NF1: variants seen among roughly 807,000 people sequenced by gnomAD.
The protein encoded by NF1 is neurofibromin 1, also known as neurofibromin.
Under a neutral mutation model 325.7 loss-of-function variants are expected in NF1, and 122 were observed. That is an observed-to-expected ratio of 0.37 (90% CI 0.32 to 0.44). NF1 has a LOEUF of 0.44. Among genes scored for constraint, NF1 ranks in the 20% least tolerant of loss-of-function variants. The probability of loss-of-function intolerance (pLI) is 1.00; values close to 1 mark genes in which losing one functional copy is unlikely to be tolerated. For missense variants in NF1, 2,140 were observed against 3,415.4 expected, an observed-to-expected ratio of 0.63 and a Z score of 9.31; for synonymous variants, 1,091 against 1,186.0, an observed-to-expected ratio of 0.92 and a Z score of 1.65.
intron 36 of NF1, among the ~76,000 whole-genome samples, chr17:31,308,581 T>A (rs1156560810): frequency 6.6e-6 from 1 of 152,204 alleles, no homozygotes; most frequent in East Asian, 1.9e-4. Context: ...ACACACGATT[T>A]TTCCCTGCTA....
chr17:31,158,779 C>T (rs2065711805), intron 2 of NF1, among the ~76,000 whole-genome samples: 1 of 152,100 alleles, frequency 6.6e-6, no homozygotes, highest in South Asian at 2.1e-4. Context: ...GCATCTTTTA[C>T]TGTTACAAGG....
chr17:31,134,716 T>G (rs1408306297), intron 1 of NF1, among the ~76,000 whole-genome samples: 1 of 152,168 alleles, frequency 6.6e-6, no homozygotes, highest in African/African-American at 2.4e-5. Context: ...GAGGCCTCAG[T>G]TCTTTGCTGG....
At chr17:31,297,049 T>C (rs554822538) in intron 36 of NF1, 2 of 152,356 alleles carry the variant, frequency 1.3e-5, no homozygotes, top group South Asian at 4.1e-4. Flanking sequence ...TTCTGGTGCA[T>C]GCACTTGCTA....
At chr17:31,211,988 A>G (rs1421756285) in intron 12 of NF1, among the ~76,000 whole-genome samples, 1 of 152,162 alleles carries the variant, frequency 6.6e-6, no homozygotes, top group African/African-American at 2.4e-5. Flanking sequence ...AAATATTTTT[A>G]TATGATAACT....
chr17:31,253,687 G>A (rs1489810236), intron 31 of NF1: 1 of 152,096 alleles, frequency 6.6e-6, no homozygotes, highest in Non-Finnish European at 1.5e-5. Context: ...CTGCTTCTAT[G>A]AACTTGCCTT....
intron 36 of NF1, chr17:31,318,744 A>G: frequency 1.2e-6 from 2 of 1,614,096 alleles, no homozygotes; most frequent in Non-Finnish European, 1.7e-6. Flanking sequence ...GCTCCTGTTC[A>G]GATTTAGAAG....
chr17:31,216,246 A>G (rs529428947), intron 13 of NF1, among the ~76,000 whole-genome samples: 4 of 152,328 alleles, frequency 2.6e-5, no homozygotes, highest in Non-Finnish European at 4.4e-5. Flanking sequence ...AAACTCACCA[A>G]TGCCGTTTCT....
At chr17:31,212,534 C>A (rs1262858030) in intron 12 of NF1, among the ~76,000 whole-genome samples, 5 of 152,088 alleles carry the variant, frequency 3.3e-5, no homozygotes, top group Non-Finnish European at 5.9e-5. Context: ...ATGGCAAAAC[C>A]TCTTCTCTAC....
At position 31,360,712 on chromosome 17, in the gene NF1, A is replaced by C; in HGVS notation, c.8377+9A>C. 1 of 1,601,096 alleles carries C rather than the reference A, an allele frequency of 6.2e-7. No individual in the cohort carries two copies. Among genetic ancestry groups the C allele is most frequent in the Non-Finnish European group, 8.6e-7 (1 of 1,168,126 alleles). ...TTCCCAGCATTCCCCAGGTCAGTAA[A>C]TGTGATCTTTATATGACTTTGAGCA... On this transcript the variant is annotated intron_variant, in intron 57 of 57. Transcript: ENST00000358273.
At chr17:31,287,919 T>C (rs559050006) in intron 36 of NF1, among the ~76,000 whole-genome samples, 84 of 96,162 alleles carry the variant, frequency 8.7e-4, no homozygotes, top group Non-Finnish European at 1.4e-3. Flanking sequence ...CATCACACTC[T>C]GGGGACTGTT....
chr17:31,099,418 G>A lies in NF1; in HGVS notation c.60+4049G>A, dbSNP rs76819102. Among the ~76,000 whole-genome samples, 1,436 of 152,216 alleles carry A rather than the reference G, an allele frequency of 9.4e-3. 23 individuals are homozygous for A. Among genetic ancestry groups the A allele is most frequent in the African/African-American group, 0.033 (1,353 of 41,520 alleles). ...CAATTTTAGAAGTAATCACCTCCTT[G>A]GTTAGGGAAATGACAGTTGCACAGG... On this transcript the variant is annotated intron_variant, in intron 1 of 57. Coordinates refer to ENST00000358273, the MANE Select transcript of NF1 (RefSeq NM_001042492.3).
intron 1 of NF1, 45 bp downstream of exon 1, chr17:31,095,414 G>T (rs1325444411): frequency 2.0e-6 from 3 of 1,526,576 alleles, no homozygotes; most frequent in South Asian, 1.2e-5. Context: ...GAGTGGGGGT[G>T]GGGACAGAGT....
At chr17:31,358,268 G>C (rs2070319415) in intron 54 of NF1, 3 of 579,232 alleles carry the variant, frequency 5.2e-6, no homozygotes, top group Non-Finnish European at 9.2e-6. Context: ...CTTCCCTGGT[G>C]ACTAAAAACA....
At chr17:31,248,608 C>G (rs1244162742) in intron 29 of NF1, among the ~76,000 whole-genome samples, 4 of 152,028 alleles carry the variant, frequency 2.6e-5, no homozygotes, top group Non-Finnish European at 5.9e-5. Flanking sequence ...AGTCTTGGCT[C>G]ACTGCAGCCT....
chr17:31,326,075 G>C lies in NF1; in HGVS notation c.5091G>C (p.Leu1697=), dbSNP rs876659589. ...REYTKYHERL[L]TGLKGSKRLV... ...ACACCAAGTATCATGAGCGGCTGCT[G>C]ACTGGCCTCAAAGGTAGCAAAAGGC... The change falls in exon 37 of 58, where the codon CTG becomes CTC. Residue 1697 remains leucine, a synonymous_variant. Transcript: ENST00000358273. 2 of 1,614,026 alleles carry C rather than the reference G, an allele frequency of 1.2e-6. No individual in the cohort carries two copies. The highest frequency in any genetic ancestry group is 1.7e-6 in the Non-Finnish European group (2 of 1,179,892).
intron 16 of NF1, 58 bp downstream of exon 16, chr17:31,223,625 G>A (rs2144018224): frequency 6.5e-7 from 1 of 1,548,120 alleles, no homozygotes; most frequent in East Asian, 2.3e-5. Context: ...AATGGTGAGA[G>A]ATTACTAAAG....
intron 20 of NF1, among the ~76,000 whole-genome samples, chr17:31,228,060 T>A (rs8067021): frequency 0.47 from 71,019 of 152,142 alleles, 20,454 homozygotes; most frequent in African/African-American, 0.81. Context: ...GAGGTAGAGA[T>A]AAATTAACAT....
At chr17:31,368,013 T>A (rs1463435324) in intron 57 of NF1, among the ~76,000 whole-genome samples, 2 of 152,128 alleles carry the variant, frequency 1.3e-5, no homozygotes, top group Non-Finnish European at 2.9e-5. Flanking sequence ...GATGAAAAAA[T>A]TTGACACATT....
intron 30 of NF1, chr17:31,251,448 G>T: frequency 5.1e-6 from 1 of 196,244 alleles, no homozygotes; most frequent in Non-Finnish European, 1.1e-5. Flanking sequence ...CTGGATTAAG[G>T]TTATTTAAGA....
Sources: allele counts gnomAD v4.1 joint callset (sites outside exome capture counted in the v4.1 genomes callset), GRCh38; gene constraint gnomAD v4.1.1; transcripts MANE v1.5; gene names NCBI Gene and HGNC (gene_info 2026-07-23, HGNC 2026-07-21).